The following LNX1 variants were observed in gnomAD, a reference collection of about 807,000 sequenced individuals.
LNX1 encodes the protein E3 ubiquitin-protein ligase LNX.
A neutral mutation model predicts 68.4 loss-of-function variants in LNX1; 54 were observed. That is an observed-to-expected ratio of 0.79 (90% CI 0.63 to 0.99). The LOEUF (loss-of-function observed/expected upper bound fraction) is 0.99. Ranked by LOEUF, LNX1 falls within the 50% of genes least tolerant of loss-of-function variation. The pLI, the probability that LNX1 is intolerant of heterozygous loss-of-function variation, is 0.00. For synonymous variants in LNX1, 336 were observed against 350.0 expected, an observed-to-expected ratio of 0.96 and a Z score of 0.45; for missense variants, 906 against 926.4, an observed-to-expected ratio of 0.98 and a Z score of 0.29.
chr4:53,500,820 G>T (rs1355423341), intron 4 of LNX1, among the ~76,000 whole-genome samples: 19 of 152,146 alleles, frequency 1.2e-4, no homozygotes, highest in Admixed American at 1.2e-3. Context: ...ACAGGCAATT[G>T]CTAGAACATG....
chr4:53,507,538 A>G (rs1389417896), intron 3 of LNX1, 69 bp from the exon 4 acceptor site: 22 of 1,509,644 alleles, frequency 1.5e-5, no homozygotes, highest in Non-Finnish European at 1.9e-5. Flanking sequence ...TACATATCTG[A>G]TAAGATATAC....
chr4:53,620,821 C>T (rs1733843160), upstream of LNX1, among the ~76,000 whole-genome samples: 1 of 152,154 alleles, frequency 6.6e-6, no homozygotes, highest in Admixed American at 6.5e-5. Flanking sequence ...AGTGTTAGCT[C>T]ACAGTGCAGC....
intron 2 of LNX1, among the ~76,000 whole-genome samples, chr4:53,534,465 T>G (rs1049416838): frequency 5.9e-5 from 9 of 152,140 alleles, no homozygotes; most frequent in Non-Finnish European, 1.0e-4. Flanking sequence ...AGCAAGACCT[T>G]GTCTCTAAAA....
intron 6 of LNX1, among the ~76,000 whole-genome samples, chr4:53,489,056 G>A (rs752854724): frequency 1.3e-5 from 2 of 152,174 alleles, no homozygotes; most frequent in African/African-American, 2.4e-5. Context: ...TTTGGTCAGA[G>A]CAAATCTGGT....
At chr4:53,494,571 C>A (rs1051686497) in intron 6 of LNX1, among the ~76,000 whole-genome samples, 17 of 152,188 alleles carry the variant, frequency 1.1e-4, no homozygotes, top group Non-Finnish European at 1.9e-4. Flanking sequence ...ATCTCCCCTG[C>A]GCCTGCATCA....
At chr4:53,611,243 A>G (rs1410710062) in intron 2 of LNX1, among the ~76,000 whole-genome samples, 1 of 152,174 alleles carries the variant, frequency 6.6e-6, no homozygotes, top group African/African-American at 2.4e-5. Flanking sequence ...TAAAATAGTG[A>G]AAAACCAACC....
intron 4 of LNX1, among the ~76,000 whole-genome samples, chr4:53,504,330 C>T (rs1725720821): frequency 6.6e-6 from 1 of 152,246 alleles, no homozygotes; most frequent in African/African-American, 2.4e-5. Context: ...TTTCCTTAAA[C>T]CTCATGAACC....
chr4:53,618,679 A>G (rs753691243), upstream of LNX1, among the ~76,000 whole-genome samples: 55 of 152,290 alleles, frequency 3.6e-4, no homozygotes, highest in Non-Finnish European at 7.1e-4. Context: ...ATAGGATGAC[A>G]ATGCAAGCCA....
chr4:53,573,751 C>T lies in LNX1; in HGVS notation c.252G>A (p.Leu84=), dbSNP rs1335164977. The T allele has an allele frequency of 6.2e-7, 1 of 1,611,864 alleles. No individual in the cohort carries two copies. The highest frequency in any genetic ancestry group is 1.1e-5 in the South Asian group (1 of 90,444). The change falls in exon 2 of 11, where the codon CTG becomes CTA. Residue 84 remains leucine (L), a synonymous_variant. Coordinates refer to ENST00000263925, the MANE Select transcript of LNX1 (RefSeq NM_001126328.3). ...GGATGCTGGACTTCTTGCAGTGCTG[C>T]AGAACCAGAGGCTTGCGGTCCATGG... is the stretch of plus-strand genomic sequence containing the variant. ...FCPMDRKPLV[L]QHCKKSSILV... is the part of the protein sequence containing the mutation.
At chr4:53,588,554 T>A (rs528820296) in intron 1 of LNX1, among the ~76,000 whole-genome samples, 12 of 152,168 alleles carry the variant, frequency 7.9e-5, no homozygotes, top group Non-Finnish European at 1.5e-4. Flanking sequence ...ATGAATAAGA[T>A]TGATATTTTC....
chr4:53,461,823 C>T (rs1560605754), intron 9 of LNX1, among the ~76,000 whole-genome samples: 1 of 152,008 alleles, frequency 6.6e-6, no homozygotes, highest in African/African-American at 2.4e-5. Context: ...AACTGACAGC[C>T]CTATTGTGTT....
At chr4:53,509,746 GCTTTAA>G (rs1726189158) in intron 2 of LNX1, among the ~76,000 whole-genome samples, 1 of 152,128 alleles carries the variant, frequency 6.6e-6, no homozygotes, top group Admixed American at 6.6e-5. Context: ...CTCTTTTCAT[GCTTTAA>G]CATGTCTAAA....
intron 6 of LNX1, among the ~76,000 whole-genome samples, chr4:53,485,778 A>T (rs62323570): frequency 0.018 from 2,678 of 152,320 alleles, 49 homozygotes; most frequent in South Asian, 0.079. Flanking sequence ...CACTAGTATC[A>T]ATGTGGTGTG....
intron 2 of LNX1, among the ~76,000 whole-genome samples, chr4:53,517,704 C>A (rs1195586716): frequency 6.6e-6 from 1 of 152,184 alleles, no homozygotes; most frequent in Admixed American, 6.5e-5. Context: ...ACTTTTTCTC[C>A]CCTTCTAAGT....
At chr4:53,492,506 T>TGAGAGGGAGAGAGAGAGAGAGAGA (rs1724750502) in intron 6 of LNX1, among the ~76,000 whole-genome samples, 1 of 88,942 alleles carries the variant, frequency 1.1e-5, no homozygotes, top group Non-Finnish European at 2.3e-5. Context: ...CAGAGGGCTC[T>TGAGAGGGAGAGAGAGAGAGAGAGA]GAGAGAGAGA....
In LNX1 at chr4:53,505,805, G is replaced by A. The variant is rs142518564; in HGVS notation, c.775+1512C>T. ...CAAAAACACCTAAAAAGGGGGCTGA[G>A]GGAGTGAGGTTTCCAGGAGGAGGCA... On this transcript the variant is annotated intron_variant, in intron 4 of 10. Transcript: ENST00000263925. Among the ~76,000 whole-genome samples the A allele has an allele frequency of 2.6e-5, 4 of 152,304 alleles. No individual in the cohort carries two copies. The East Asian group carries it at 7.7e-4, about 29-fold the overall frequency.
intron 2 of LNX1, among the ~76,000 whole-genome samples, chr4:53,536,307 G>A (rs561279000): frequency 9.9e-5 from 13 of 130,932 alleles, no homozygotes; most frequent in Admixed American, 5.8e-4. Flanking sequence ...CTCGCAGTGC[G>A]AATGAACAGA....
chr4:53,460,410 A>G lies in LNX1; in HGVS notation c.*497T>C. On this transcript the variant is annotated 3_prime_UTR_variant, in exon 11 of 11. Transcript: ENST00000263925. ...TTACTAGGATCTTTTAAATAGTGAT[A>G]ATACAAAAGTAATCTTAATTAGTAT... 5.3e-6 allele frequency: 1 copy of G among 189,620 alleles called. No individual in the cohort carries two copies. The highest frequency in any genetic ancestry group is 8.6e-5 in the East Asian group (1 of 11,666). The allele number at this position is 189,620 out of a possible 1,614,324, so 11.7% of individuals were successfully genotyped here.
chr4:53,644,300 C>A (rs1025665095), intron 1 of LNX1, among the ~76,000 whole-genome samples: 2 of 151,966 alleles, frequency 1.3e-5, no homozygotes, highest in African/African-American at 4.8e-5. Flanking sequence ...ACTTGGGAGG[C>A]TGAGGCACGA....
Sources: allele counts gnomAD v4.1 joint callset (sites outside exome capture counted in the v4.1 genomes callset), GRCh38; gene constraint gnomAD v4.1.1; transcripts MANE v1.5; gene names NCBI Gene and HGNC (gene_info 2026-07-23, HGNC 2026-07-21).